Variants in EYA3 observed in about 807,000 individuals in gnomAD.
EYA3 encodes EYA transcriptional coactivator and phosphatase 3, also known as protein phosphatase EYA3.
EYA3 carries 39 observed loss-of-function variants against 80.0 expected under a neutral mutation model. That is an observed-to-expected ratio of 0.49 (90% CI 0.38 to 0.64). The LOEUF is 0.64. EYA3 is among the 30% of genes least tolerant of loss of function. The pLI, the probability that EYA3 is intolerant of heterozygous loss-of-function variation, is 0.00. For synonymous variants in EYA3, 206 were observed against 232.8 expected, an observed-to-expected ratio of 0.88 and a Z score of 1.05; for missense variants, 523 against 676.1, an observed-to-expected ratio of 0.77 and a Z score of 2.51.
At chr1:28,018,573 G>T (rs973265256) in intron 7 of EYA3, among the ~76,000 whole-genome samples, 2 of 152,180 alleles carry the variant, frequency 1.3e-5, no homozygotes, top group African/African-American at 4.8e-5. Context: ...CTTCCATTGA[G>T]AACAGGGCAG....
chr1:28,048,655 A>C (rs1251048708), intron 2 of EYA3, among the ~76,000 whole-genome samples: 1 of 152,134 alleles, frequency 6.6e-6, no homozygotes, highest in Non-Finnish European at 1.5e-5. Context: ...AAAACTGTTT[A>C]CCAGAATTTT....
chr1:28,000,352 G>T (rs183873616), intron 11 of EYA3, among the ~76,000 whole-genome samples: 2 of 151,130 alleles, frequency 1.3e-5, no homozygotes, highest in Non-Finnish European at 2.9e-5. Flanking sequence ...TCACTCTGTC[G>T]CCCAGGCTGG....
At chr1:28,002,512 T>C (rs375683852) in intron 11 of EYA3, among the ~76,000 whole-genome samples, 5 of 151,940 alleles carry the variant, frequency 3.3e-5, no homozygotes, top group Non-Finnish European at 5.9e-5. Context: ...TAAAAGCCTG[T>C]AGAAAATACT....
At chr1:28,076,379 T>C (rs1445154314) in intron 1 of EYA3, among the ~76,000 whole-genome samples, 1 of 152,156 alleles carries the variant, frequency 6.6e-6, no homozygotes, top group Non-Finnish European at 1.5e-5. Flanking sequence ...ATTTAGGCTC[T>C]AACAAATTCT....
intron 6 of EYA3, among the ~76,000 whole-genome samples, chr1:28,035,154 C>A (rs557924390): frequency 3.9e-5 from 6 of 152,118 alleles, no homozygotes; most frequent in Admixed American, 6.5e-5. Flanking sequence ...GCAAAAAAAA[C>A]CCCACAGAGC....
chr1:28,068,193 G>A (rs184126962), intron 1 of EYA3, among the ~76,000 whole-genome samples: 3 of 151,850 alleles, frequency 2.0e-5, no homozygotes, highest in Admixed American at 6.6e-5. Context: ...AAAAATTAGC[G>A]TGGTGGTAGG....
At chr1:27,984,091 T>TGGCACAGTCACAGCTCACTGCAGC (rs1393401812) in intron 16 of EYA3, among the ~76,000 whole-genome samples, 2 of 152,236 alleles carry the variant, frequency 1.3e-5, no homozygotes, top group Non-Finnish European at 2.9e-5. Flanking sequence ...TGCAGTGCAG[T>TGGCACAGTCACAGCTCACTGCAGC]GGCACAGTCA....
At chr1:28,048,348 A>T in intron 3 of EYA3, 35 bp downstream of exon 3, 2 of 1,510,838 alleles carry the variant, frequency 1.3e-6, no homozygotes, top group Non-Finnish European at 1.8e-6. Flanking sequence ...AAAACTTATG[A>T]GTAGTTCATT....
chr1:27,978,253 G>T, intron 17 of EYA3, 121 bp downstream of exon 17: 1 of 681,602 alleles, frequency 1.5e-6, no homozygotes, highest in South Asian at 2.5e-5. Flanking sequence ...AGAAAAATGG[G>T]AGAGGAAGAA....
chr1:28,040,469 A>T (rs114849216), intron 4 of EYA3, among the ~76,000 whole-genome samples: 2,095 of 152,304 alleles, frequency 0.014, 30 homozygotes, highest in Non-Finnish European at 0.023. Context: ...GGAAATATCA[A>T]TATGGAATTC....
At chr1:27,999,125 A>T (rs1640655325) in intron 12 of EYA3, among the ~76,000 whole-genome samples, 1 of 152,342 alleles carries the variant, frequency 6.6e-6, no homozygotes, top group Middle Eastern at 3.4e-3. Context: ...AACTAGGTAA[A>T]ACATGTACTA....
At chr1:28,030,874 G>A (rs1178660836) in intron 6 of EYA3, among the ~76,000 whole-genome samples, 1 of 152,154 alleles carries the variant, frequency 6.6e-6, no homozygotes, top group Admixed American at 6.5e-5. Context: ...CCTGCTGATT[G>A]TATATCACAC....
intron 1 of EYA3, among the ~76,000 whole-genome samples, chr1:28,064,069 A>G (rs540488571): frequency 6.6e-6 from 1 of 152,338 alleles, no homozygotes; most frequent in South Asian, 2.1e-4. Flanking sequence ...TAGTGTCAAC[A>G]GTAGTGGCTT....
chr1:28,011,196 A>C (rs1641673270), intron 9 of EYA3, 110 bp from the exon 10 acceptor site: 31 of 1,206,142 alleles, frequency 2.6e-5, no homozygotes, highest in Non-Finnish European at 3.2e-5. Context: ...TGCAGGGATA[A>C]AGGTTGGAAA....
chr1:28,071,134 G>C lies in EYA3; in HGVS notation c.-68-13040C>G, dbSNP rs372730838. Among the ~76,000 whole-genome samples, 17 of 152,240 alleles carry C rather than the reference G, an allele frequency of 1.1e-4. No homozygotes were observed. In the East Asian group the frequency reaches 2.5e-3, roughly 22 times the overall value. On this transcript the variant is annotated intron_variant, in intron 1 of 17. Coordinates refer to ENST00000373871, the MANE Select transcript of EYA3 (RefSeq NM_001990.4). ...AGATGGGGTTTCACCATGTTGGCCA[G>C]GCTGGTCTCGAATTCCTGACCTCAA...
Position 28,013,445 on chromosome 1 carries a change from A to G in EYA3, c.586-151T>C. ...TTACCTACCTAAAAGTCTCCAATCTAAATCAATGATTTTCAAAATGCATTC... is the reference window on the plus strand; with the variant it reads ...TTACCTACCTAAAAGTCTCCAATCTGAATCAATGATTTTCAAAATGCATTC... On this transcript the variant is annotated intron_variant, in intron 8 of 17. Coordinates refer to ENST00000373871, the MANE Select transcript of EYA3 (RefSeq NM_001990.4). This position sits in a 1 kb window ranked among gnomAD's most constrained non-coding sequence, Gnocchi z 4.0. 1.4e-6 allele frequency: 1 copy of G among 713,180 alleles called. No homozygotes were observed. Among genetic ancestry groups the G allele is most frequent in the Non-Finnish European group, 2.2e-6 (1 of 460,250 alleles). The allele number at this position is 713,180 out of a possible 1,614,324, so 44.2% of individuals were successfully genotyped here. A position where few individuals can be genotyped will look rare whatever the true frequency, so the allele number is the denominator to read the frequency against.
chr1:27,989,595 C>A, intron 15 of EYA3, 102 bp downstream of exon 15: 1 of 668,780 alleles, frequency 1.5e-6, no homozygotes, highest in Non-Finnish European at 2.5e-6. Flanking sequence ...AAACTCCTCT[C>A]TACCCCTATC....
In EYA3 at chr1:28,009,574, C is replaced by A. The variant is rs1008462622; in HGVS notation, c.909+1373G>T. Among the ~76,000 whole-genome samples the A allele has an allele frequency of 2.0e-5, 3 of 151,970 alleles. No individual in the cohort carries two copies. ...CTGAGGCAGGAGAATCACTTGAACC[C>A]GGGAGGCAGAGGTCACGGTAAGCCG... is the stretch of plus-strand genomic sequence containing the variant. On this transcript the variant is annotated intron_variant, in intron 10 of 17. Transcript: ENST00000373871. This position sits in a 1 kb window ranked among gnomAD's most constrained non-coding sequence, Gnocchi z 4.8.
intron 2 of EYA3, 22 bp from the exon 3 acceptor site, chr1:28,048,448 G>A: frequency 6.3e-7 from 1 of 1,596,990 alleles, no homozygotes; most frequent in Non-Finnish European, 8.6e-7. Context: ...AATATACAAA[G>A]GTATCAATGT....
Sources: allele counts gnomAD v4.1 joint callset (sites outside exome capture counted in the v4.1 genomes callset), GRCh38; gene constraint gnomAD v4.1.1; non-coding constraint Gnocchi (gnomAD v3.1); transcripts MANE v1.5; gene names NCBI Gene and HGNC (gene_info 2026-07-23, HGNC 2026-07-21).